RNGTT: variants seen among roughly 807,000 people sequenced by gnomAD.
RNGTT encodes RNA guanylyltransferase and 5'-phosphatase, also known as mRNA-capping enzyme.
RNGTT carries 33 observed loss-of-function variants against 79.3 expected under a neutral mutation model. That is an observed-to-expected ratio of 0.42 (90% CI 0.32 to 0.56). The LOEUF is 0.56. RNGTT is among the 20% of genes least tolerant of loss of function. RNGTT has a pLI of 0.17. For synonymous variants in RNGTT, 222 were observed against 235.9 expected, an observed-to-expected ratio of 0.94 and a Z score of 0.54; for missense variants, 497 against 739.1, an observed-to-expected ratio of 0.67 and a Z score of 3.80.
chr6:88,616,891 T>C (rs1360703629), intron 14 of RNGTT, among the ~76,000 whole-genome samples: 1 of 152,262 alleles, frequency 6.6e-6, no homozygotes, highest in Non-Finnish European at 1.5e-5. Flanking sequence ...TTTTTAACTT[T>C]GATGTAGTCC....
At chr6:88,696,315 T>C (rs899748167) in intron 13 of RNGTT, among the ~76,000 whole-genome samples, 2 of 152,214 alleles carry the variant, frequency 1.3e-5, no homozygotes, top group Non-Finnish European at 2.9e-5. Flanking sequence ...AAATTGATCC[T>C]TCCTGATCAT....
intron 14 of RNGTT, among the ~76,000 whole-genome samples, chr6:88,653,987 G>A (rs760164227): frequency 4.6e-5 from 7 of 152,088 alleles, no homozygotes; most frequent in Non-Finnish European, 1.0e-4. Context: ...AAAAGCACCT[G>A]GGTAGGAGAA....
At chr6:88,904,644 A>AT (rs1783588445) in intron 6 of RNGTT, 71 bp downstream of exon 6, 1 of 1,467,736 alleles carries the variant, frequency 6.8e-7, no homozygotes. Flanking sequence ...CCAATATTCC[A>AT]TTTTTATAAA....
At chr6:88,871,416 A>G (rs1279274454) in intron 8 of RNGTT, among the ~76,000 whole-genome samples, 4 of 152,076 alleles carry the variant, frequency 2.6e-5, no homozygotes, top group Non-Finnish European at 5.9e-5. Context: ...AGTCCACAAA[A>G]TTATTTGACA....
At chr6:88,743,067 G>C (rs1339928655) in intron 13 of RNGTT, among the ~76,000 whole-genome samples, 1 of 152,062 alleles carries the variant, frequency 6.6e-6, no homozygotes, top group African/African-American at 2.4e-5. Context: ...AATAACATAA[G>C]AAGTAAACAT....
intron 1 of RNGTT, among the ~76,000 whole-genome samples, chr6:88,961,893 T>C (rs979398483): frequency 2.6e-5 from 4 of 152,138 alleles, no homozygotes; most frequent in African/African-American, 9.7e-5. Flanking sequence ...AAACTGGAAA[T>C]AACCCAAATG....
intron 14 of RNGTT, among the ~76,000 whole-genome samples, chr6:88,641,177 A>G (rs1278329503): frequency 6.6e-6 from 1 of 152,048 alleles, no homozygotes; most frequent in Non-Finnish European, 1.5e-5. Flanking sequence ...TGTCTCTACT[A>G]AAAATACAAA....
At chr6:88,839,822 C>T (rs1319993598) in intron 11 of RNGTT, among the ~76,000 whole-genome samples, 3 of 151,972 alleles carry the variant, frequency 2.0e-5, no homozygotes, top group East Asian at 1.9e-4. Context: ...TAAATAGAAT[C>T]GCAATTTGAA....
At chr6:88,680,862 A>G (rs532244460) in intron 13 of RNGTT, among the ~76,000 whole-genome samples, 6 of 152,194 alleles carry the variant, frequency 3.9e-5, no homozygotes, top group Non-Finnish European at 8.8e-5. Context: ...TTTGGAATGT[A>G]AGTGATGACA....
chr6:88,707,565 C>T lies in RNGTT; in HGVS notation c.1440-29146G>A, dbSNP rs183716881. On this transcript the variant is annotated intron_variant, in intron 13 of 15. Coordinates refer to ENST00000369485, the MANE Select transcript of RNGTT (RefSeq NM_003800.5). ...GCAGAAAAAATTGAACAGGTAACTACCCATTTAATGCTTCAAAGTAGCAAA... is the reference window on the plus strand; with the variant it reads ...GCAGAAAAAATTGAACAGGTAACTATCCATTTAATGCTTCAAAGTAGCAAA... Among the ~76,000 whole-genome samples, 7 of 144,736 alleles carry T rather than the reference C, an allele frequency of 4.8e-5. No individual in the cohort carries two copies. In the East Asian group the frequency reaches 1.4e-3, roughly 28 times the overall value. The allele number at this position is 144,736 out of a possible 152,430, so 95.0% of individuals were successfully genotyped here.
intron 1 of RNGTT, among the ~76,000 whole-genome samples, chr6:88,941,434 A>AT (rs1748853532): frequency 6.6e-6 from 1 of 152,000 alleles, no homozygotes; most frequent in Non-Finnish European, 1.5e-5. Context: ...AGCCCAGCTA[A>AT]TTTTTGTGTT....
intron 12 of RNGTT, among the ~76,000 whole-genome samples, chr6:88,791,254 C>T (rs1779399063): frequency 6.6e-6 from 1 of 151,570 alleles, no homozygotes; most frequent in Admixed American, 6.6e-5. Context: ...AAGCAATCCT[C>T]CTACCTCAGC....
At chr6:88,936,393 G>C (rs1313015847) in intron 2 of RNGTT, among the ~76,000 whole-genome samples, 1 of 152,100 alleles carries the variant, frequency 6.6e-6, no homozygotes, top group Non-Finnish European at 1.5e-5. Context: ...CTCTTGCCTG[G>C]CTGCTCTAGA....
chr6:88,778,740 G>A (rs1054258875), intron 12 of RNGTT, among the ~76,000 whole-genome samples: 1 of 152,112 alleles, frequency 6.6e-6, no homozygotes, highest in South Asian at 2.1e-4. Context: ...ATACAATGAC[G>A]ATTCAATATA....
rs535510674 is a variant in RNGTT, at chr6:88,929,518, A to T, written c.175-251T>A. Among the ~76,000 whole-genome samples the T allele has an allele frequency of 2.0e-5, 3 of 152,298 alleles. No homozygotes were observed. In the East Asian group the frequency reaches 5.8e-4, roughly 29 times the overall value. ...GAAAGAACAGGAATATAAGCAAAACAAATTCTACTGCCAACATCACAAAAG... is the reference window on the plus strand; with the variant it reads ...GAAAGAACAGGAATATAAGCAAAACTAATTCTACTGCCAACATCACAAAAG... On this transcript the variant is annotated intron_variant, in intron 2 of 15. Transcript: ENST00000369485.
intron 13 of RNGTT, among the ~76,000 whole-genome samples, chr6:88,724,557 G>C (rs1464860155): frequency 1.3e-5 from 2 of 152,088 alleles, no homozygotes; most frequent in East Asian, 3.9e-4. Flanking sequence ...TTTTTCCACA[G>C]ACAGGGGAAG....
rs376333745 is a variant in RNGTT, at chr6:88,844,426, G to A, written c.1200C>T (p.Leu400=). 43 of 1,613,856 alleles carry A rather than the reference G, an allele frequency of 2.7e-5. No individual in the cohort carries two copies. Among genetic ancestry groups the A allele is most frequent in the Non-Finnish European group, 3.6e-5 (42 of 1,179,934 alleles). ...SPRHEKMKTG[L]IDKTQEPFSV... is the part of the protein sequence containing the mutation. ...TAAATGGTTCCTGTGTTTTGTCAAT[G>A]AGCCCAGTCTTCATTTTTTCGTGTC... The change falls in exon 11 of 16, where the codon CTC becomes CTT. Residue 400 remains leucine, a synonymous_variant. Coordinates refer to ENST00000369485, the MANE Select transcript of RNGTT (RefSeq NM_003800.5).
chr6:88,634,761 TA>T (rs1360716839), intron 14 of RNGTT, among the ~76,000 whole-genome samples: 1 of 151,738 alleles, frequency 6.6e-6, no homozygotes, highest in African/African-American at 2.4e-5. Context: ...CTGCAGAAAA[TA>T]AAATATAACT....
In RNGTT at chr6:88,833,702, A is replaced by T. The variant is rs141378678; in HGVS notation, c.1269+10655T>A. On this transcript the variant is annotated intron_variant, in intron 11 of 15. Transcript: ENST00000369485. ...TTAATTGATCAGATTTAGGCAAAGTAACTGCCTCTTAATTATTTTGGAGGC... is the reference window on the plus strand; with the variant it reads ...TTAATTGATCAGATTTAGGCAAAGTTACTGCCTCTTAATTATTTTGGAGGC... Among the ~76,000 whole-genome samples the T allele has an allele frequency of 7.2e-5, 11 of 152,336 alleles. No individual in the cohort carries two copies. The East Asian group carries it at 2.1e-3, about 29-fold the overall frequency.
Sources: allele counts gnomAD v4.1 joint callset (sites outside exome capture counted in the v4.1 genomes callset), GRCh38; gene constraint gnomAD v4.1.1; transcripts MANE v1.5; gene names NCBI Gene and HGNC (gene_info 2026-07-23, HGNC 2026-07-21).